Variants in COL21A1 observed in about 807,000 individuals in gnomAD.
COL21A1 encodes the protein collagen alpha-1(XXI) chain.
A neutral mutation model predicts 137.9 loss-of-function variants in COL21A1; 149 were observed. The observed-to-expected ratio is 1.08, with a 90% CI of 0.95 to 1.24. The LOEUF (loss-of-function observed/expected upper bound fraction) is 1.24. Ranked by LOEUF, COL21A1 falls within the 50% of genes most tolerant of loss-of-function variation. The pLI is 0.00. For missense variants in COL21A1, 1,167 were observed against 1,158.4 expected (o/e 1.01, Z -0.11); for synonymous variants, 456 against 391.5 (o/e 1.16, Z -1.95).
At chr6:56,141,453 G>A (rs1343516645) in intron 12 of COL21A1, among the ~76,000 whole-genome samples, 2 of 152,074 alleles carry the variant, frequency 1.3e-5, no homozygotes, top group Admixed American at 6.6e-5. Flanking sequence ...CTTGGGTATT[G>A]GACTATCTGA....
At chr6:56,146,621 G>C (rs1774855637) in intron 10 of COL21A1, among the ~76,000 whole-genome samples, 1 of 152,068 alleles carries the variant, frequency 6.6e-6, no homozygotes, top group Non-Finnish European at 1.5e-5. Context: ...GTTTTTCTAA[G>C]AGACAAGGGA....
intron 1 of COL21A1, among the ~76,000 whole-genome samples, chr6:56,255,058 T>C (rs1782934533): frequency 6.6e-6 from 1 of 152,174 alleles, no homozygotes; most frequent in Non-Finnish European, 1.5e-5. Flanking sequence ...TACAGGTCAC[T>C]TCAATTAAAT....
At chr6:56,198,099 G>T (rs947402598) in intron 1 of COL21A1, among the ~76,000 whole-genome samples, 7 of 152,084 alleles carry the variant, frequency 4.6e-5, no homozygotes, top group African/African-American at 1.7e-4. Flanking sequence ...AGGACAGTGA[G>T]CTAAGTGAAT....
chr6:56,288,255 A>AAAAAAAAAAAG (rs1763961207), intron 1 of COL21A1, among the ~76,000 whole-genome samples: 2 of 83,006 alleles, frequency 2.4e-5, no homozygotes, highest in Non-Finnish European at 2.2e-5. Context: ...AAAATAAAAG[A>AAAAAAAAAAAG]AAAAAAAAAG....
chr6:56,307,339 G>T (rs189951870), intron 1 of COL21A1, among the ~76,000 whole-genome samples: 1 of 152,242 alleles, frequency 6.6e-6, no homozygotes, highest in Non-Finnish European at 1.5e-5. Flanking sequence ...TACAGAGGAA[G>T]GCAGGCCTCC....
intron 10 of COL21A1, among the ~76,000 whole-genome samples, chr6:56,147,642 A>G (rs567802656): frequency 1.2e-4 from 18 of 152,210 alleles, no homozygotes; most frequent in African/African-American, 4.1e-4. Flanking sequence ...TACCAATAAC[A>G]TTGGTGTGTA....
chr6:56,305,340 G>C (rs993295789), intron 1 of COL21A1, among the ~76,000 whole-genome samples: 1 of 152,142 alleles, frequency 6.6e-6, no homozygotes, highest in Non-Finnish European at 1.5e-5. Context: ...GGGTGTTAAA[G>C]TCTCCCATGA....
intron 10 of COL21A1, among the ~76,000 whole-genome samples, chr6:56,142,478 G>T (rs1008636879): frequency 6.6e-6 from 1 of 152,074 alleles, no homozygotes; most frequent in African/African-American, 2.4e-5. Context: ...GTAAGAAGGT[G>T]GTTATGACAT....
chr6:56,281,871 G>A (rs3996938), intron 1 of COL21A1, among the ~76,000 whole-genome samples: 135,191 of 152,264 alleles, frequency 0.89, 60,153 homozygotes, highest in African/African-American at 0.93. Context: ...ACCACAAGAA[G>A]AAGTTGTGTC....
intron 1 of COL21A1, among the ~76,000 whole-genome samples, chr6:56,312,549 A>G (rs1764636421): frequency 6.6e-6 from 1 of 152,200 alleles, no homozygotes; most frequent in Non-Finnish European, 1.5e-5. Context: ...TATCTCTCAG[A>G]TGGTCAGATA....
intron 2 of COL21A1, among the ~76,000 whole-genome samples, 196 bp downstream of exon 2, chr6:56,182,335 G>C (rs906420378): frequency 6.6e-6 from 1 of 152,160 alleles, no homozygotes; most frequent in Non-Finnish European, 1.5e-5. Flanking sequence ...TATTGCCATA[G>C]AGTCATCTCA....
chr6:56,207,267 G>A (rs149805896), intron 1 of COL21A1, among the ~76,000 whole-genome samples: 2,034 of 152,100 alleles, frequency 0.013, 43 homozygotes, highest in African/African-American at 0.047. Context: ...TTTTTGAAAA[G>A]ATCCACAAAA....
At chr6:56,369,696 A>G (rs1766186282) in intron 1 of COL21A1, among the ~76,000 whole-genome samples, 1 of 152,232 alleles carries the variant, frequency 6.6e-6, no homozygotes, top group Admixed American at 6.5e-5. Flanking sequence ...TGTCTCCATC[A>G]TAGAAATATG....
intron 1 of COL21A1, among the ~76,000 whole-genome samples, chr6:56,347,892 A>G (rs1765630263): frequency 6.6e-6 from 1 of 152,224 alleles, no homozygotes; most frequent in Admixed American, 6.5e-5. Context: ...ATGTACAGGT[A>G]GCTGAGAAGT....
intron 1 of COL21A1, among the ~76,000 whole-genome samples, chr6:56,374,720 CAAAAA>C (rs34067784): frequency 2.3e-5 from 2 of 86,392 alleles, no homozygotes; most frequent in African/African-American, 4.3e-5. Flanking sequence ...GACTTCGTCT[CAAAAA>C]AAAAAAAAAA....
chr6:56,121,836 A>G (rs1010572214), intron 16 of COL21A1, among the ~76,000 whole-genome samples: 1 of 152,018 alleles, frequency 6.6e-6, no homozygotes, highest in Non-Finnish European at 1.5e-5. Flanking sequence ...AAACAAAAAA[A>G]GTAAATAGCT....
chr6:56,200,998 C>A (rs368439207), intron 1 of COL21A1, among the ~76,000 whole-genome samples: 2 of 152,086 alleles, frequency 1.3e-5, no homozygotes, highest in Non-Finnish European at 2.9e-5. Flanking sequence ...TCGCCATTCT[C>A]ACTGGTGTGA....
At chr6:56,355,788 A>G (rs1765814686) in intron 1 of COL21A1, among the ~76,000 whole-genome samples, 1 of 152,174 alleles carries the variant, frequency 6.6e-6, no homozygotes, top group African/African-American at 2.4e-5. Flanking sequence ...CAGCTGATGG[A>G]TCCAAAGATA....
chr6:56,266,998 A>G (rs1454607199), intron 1 of COL21A1, among the ~76,000 whole-genome samples: 3 of 152,204 alleles, frequency 2.0e-5, no homozygotes, highest in African/African-American at 7.2e-5. Context: ...GCTTGACTTT[A>G]GCCTAAGGAA....
Sources: allele counts gnomAD v4.1 joint callset (sites outside exome capture counted in the v4.1 genomes callset), GRCh38; gene constraint gnomAD v4.1.1; transcripts MANE v1.5; gene names NCBI Gene and HGNC (gene_info 2026-07-23, HGNC 2026-07-21).